TACC2: variants seen among roughly 807,000 people sequenced by gnomAD.
The protein encoded by TACC2 is transforming acidic coiled-coil-containing protein 2.
Under a neutral mutation model 227.3 loss-of-function variants are expected in TACC2, and 137 were observed. The observed-to-expected ratio is 0.60, with a 90% CI of 0.52 to 0.69. The LOEUF (loss-of-function observed/expected upper bound fraction) is 0.69, where lower values mean the gene tolerates loss of function less well. TACC2 is among the 30% of genes least tolerant of loss of function. The pLI is 0.00. For missense variants in TACC2, 3,470 were observed against 3,694.4 expected, an observed-to-expected ratio of 0.94 and a Z score of 1.57; for synonymous variants, 1,523 against 1,487.5, an observed-to-expected ratio of 1.02 and a Z score of -0.55.
chr10:122,198,492 G>A (rs1276007742), intron 8 of TACC2, among the ~76,000 whole-genome samples: 1 of 152,184 alleles, frequency 6.6e-6, no homozygotes, highest in Non-Finnish European at 1.5e-5. Context: ...TTAAATAATA[G>A]CTCCCATTCA....
chr10:122,152,886 C>T (rs1188629949), intron 7 of TACC2, among the ~76,000 whole-genome samples: 2 of 152,220 alleles, frequency 1.3e-5, no homozygotes, highest in Admixed American at 6.5e-5. Flanking sequence ...CTCCCTGGAG[C>T]ATCACAGAGT....
intron 5 of TACC2, among the ~76,000 whole-genome samples, chr10:122,108,370 TGC>T (rs1017652895): frequency 6.8e-5 from 10 of 147,790 alleles, no homozygotes; most frequent in South Asian, 2.3e-4. Context: ...TAGTATTCCA[TGC>T]GCGCGCGCTC....
At chr10:122,090,006 G>A (rs1390825820) in intron 5 of TACC2, among the ~76,000 whole-genome samples, 3 of 152,064 alleles carry the variant, frequency 2.0e-5, no homozygotes, top group Non-Finnish European at 2.9e-5. Context: ...CAGTTAAGGG[G>A]CAGGAGAAAT....
At chr10:122,026,550 A>G (rs888824046) in intron 2 of TACC2, among the ~76,000 whole-genome samples, 3 of 151,856 alleles carry the variant, frequency 2.0e-5, no homozygotes, top group African/African-American at 7.3e-5. Flanking sequence ...GGTATTGCAC[A>G]TTTTCTGGGT....
chr10:122,144,670 C>A (rs1000023991), intron 7 of TACC2, among the ~76,000 whole-genome samples: 5 of 152,190 alleles, frequency 3.3e-5, no homozygotes, highest in African/African-American at 1.2e-4. Context: ...GGGAACATCA[C>A]CACATGCAGA....
At chr10:122,075,424 G>A (rs536416885) in intron 3 of TACC2, among the ~76,000 whole-genome samples, 4 of 152,246 alleles carry the variant, frequency 2.6e-5, no homozygotes, top group Admixed American at 6.5e-5. Flanking sequence ...TCATCTCAAG[G>A]ACCTCGAACA....
intron 5 of TACC2, among the ~76,000 whole-genome samples, chr10:122,094,428 G>A (rs771396046): frequency 2.6e-5 from 4 of 152,152 alleles, no homozygotes; most frequent in East Asian, 3.9e-4. Flanking sequence ...GCAGGTGCGC[G>A]CCACTACACC....
At chr10:122,168,050 C>CA (rs1294036023) in intron 7 of TACC2, among the ~76,000 whole-genome samples, 1 of 131,776 alleles carries the variant, frequency 7.6e-6, no homozygotes, top group African/African-American at 3.0e-5. Context: ...CCATGCCCAG[C>CA]TTTTTTTTTT....
rs558533758 is a variant in TACC2, at chr10:122,014,540, T to C, written c.-45-7397T>C. On this transcript the variant is annotated intron_variant, in intron 1 of 22. Coordinates refer to ENST00000369005, the MANE Select transcript of TACC2 (RefSeq NM_206862.4). ...CCTGTGTGATCTTGTCTCCGATTCC[T>C]TAGCTCCCTGCCCCTCTCCACCCCA... Among the ~76,000 whole-genome samples, 3 of 152,262 alleles carry C rather than the reference T, an allele frequency of 2.0e-5. No homozygotes were observed. The South Asian group carries it at 6.2e-4, about 32-fold the overall frequency.
intron 1 of TACC2, among the ~76,000 whole-genome samples, chr10:121,993,340 C>T (rs75383663): frequency 0.16 from 24,314 of 151,994 alleles, 2,269 homozygotes; most frequent in Admixed American, 0.24. Context: ...TAAATATTTC[C>T]GATGAAAATT....
chr10:122,228,058 G>A (rs1488698913), intron 14 of TACC2, 50 bp downstream of exon 14: 1 of 1,562,080 alleles, frequency 6.4e-7, no homozygotes, highest in East Asian at 2.3e-5. Flanking sequence ...GTGTGGGCCA[G>A]CTGCGTATTG....
At chr10:122,249,274 G>A (rs2096201399) in intron 21 of TACC2, 118 bp downstream of exon 21, 2 of 783,504 alleles carry the variant, frequency 2.6e-6, no homozygotes, top group South Asian at 3.3e-5. Context: ...CATCATCCAA[G>A]TGTGTGTTTC....
chr10:122,103,158 G>A (rs1435682625), intron 5 of TACC2, among the ~76,000 whole-genome samples: 1 of 146,916 alleles, frequency 6.8e-6, no homozygotes, highest in Admixed American at 6.9e-5. Context: ...ATGAGTGTGA[G>A]GGCTGAATTC....
chr10:122,011,172 T>TAGGTAGACAGGGATGCAGGGTC lies in TACC2; in HGVS notation c.-45-10754_-45-10733dup, dbSNP rs1009089869. 1.8e-4 allele frequency among the ~76,000 whole-genome samples: 27 copies of TAGGTAGACAGGGATGCAGGGTC among 152,082 alleles called. 1 individual carries two copies. The East Asian group carries it at 5.2e-3, about 29-fold the overall frequency. ...TTGGGTGAGGGAGCAGACAGAGAGCTAGGTAGACAGGGATGCAGGGTCAGG... is the reference window on the plus strand; with the variant it reads ...TTGGGTGAGGGAGCAGACAGAGAGCTAGGTAGACAGGGATGCAGGGTCAGGTAGACAGGGATGCAGGGTCAGG... On this transcript the variant is annotated intron_variant, in intron 1 of 22. Coordinates refer to ENST00000369005, the MANE Select transcript of TACC2 (RefSeq NM_206862.4).
chr10:122,045,944 G>A (rs1456323269), intron 2 of TACC2, among the ~76,000 whole-genome samples: 1 of 50,498 alleles, frequency 2.0e-5, no homozygotes, highest in East Asian at 6.2e-4. Context: ...GGAGGCCAAG[G>A]CGCATGGATC....
chr10:122,001,371 C>T (rs1232077877), intron 1 of TACC2, among the ~76,000 whole-genome samples: 1 of 151,274 alleles, frequency 6.6e-6, no homozygotes, highest in Non-Finnish European at 1.5e-5. Context: ...TGTAGGGAAA[C>T]TTCCCTTTAT....
intron 3 of TACC2, among the ~76,000 whole-genome samples, chr10:122,065,195 C>A (rs2077252952): frequency 6.6e-6 from 1 of 152,070 alleles, no homozygotes; most frequent in Admixed American, 6.6e-5. Context: ...GTTGTTTGAC[C>A]AGTGTCTCTG....
intron 13 of TACC2, 26 bp from the exon 14 acceptor site, chr10:122,227,811 A>AGAAAGAT: frequency 6.3e-7 from 1 of 1,595,398 alleles, no homozygotes; most frequent in Non-Finnish European, 8.6e-7. Flanking sequence ...AGAAGACTAA[A>AGAAAGAT]GAAAGATGCC....
At chr10:122,010,057 A>G (rs531973889) in intron 1 of TACC2, among the ~76,000 whole-genome samples, 1 of 152,336 alleles carries the variant, frequency 6.6e-6, no homozygotes, top group South Asian at 2.1e-4. Context: ...TGTCACATGG[A>G]AGGCAAATAT....
Sources: gnomAD v4.1 joint callset for allele counts (sites outside exome capture counted in the v4.1 genomes callset) on GRCh38, gnomAD v4.1.1 for gene constraint, MANE v1.5 for transcripts, NCBI Gene and HGNC (gene_info 2026-07-23, HGNC 2026-07-21) for gene names.